The following REG3A variants were observed in gnomAD, a reference collection of about 807,000 sequenced individuals.
REG3A encodes regenerating family member 3 alpha, also known as regenerating islet-derived protein 3-alpha.
In REG3A, 15 loss-of-function variants were observed where a neutral mutation model predicts 20.5. The observed-to-expected ratio is 0.73, with a 90% CI of 0.49 to 1.12. REG3A has a LOEUF of 1.12. Ranked by LOEUF, REG3A falls within the 50% of genes most tolerant of loss-of-function variation. The pLI, the probability that REG3A is intolerant of heterozygous loss-of-function variation, is 0.00. For missense variants in REG3A, 224 were observed against 213.1 expected (o/e 1.05, Z -0.32); for synonymous variants, 93 against 83.2 (o/e 1.12, Z -0.64).
chr2:79,157,808 C>T lies in REG3A; in HGVS notation c.334-110G>A, dbSNP rs1673349716. ...GCTCCCCAGCATGAGGAAAGTTGGTCTGCTATTCCAGATGCTGCCGGTGAG... is the reference window on the plus strand; with the variant it reads ...GCTCCCCAGCATGAGGAAAGTTGGTTTGCTATTCCAGATGCTGCCGGTGAG... On this transcript the variant is annotated intron_variant, in intron 4 of 5. Coordinates refer to ENST00000305165, the MANE Select transcript of REG3A (RefSeq NM_002580.3). The T allele has an allele frequency of 3.5e-6, 5 of 1,412,560 alleles. No homozygotes were observed. In the South Asian group the frequency reaches 6.9e-5, roughly 20 times the overall value. 87.5% of individuals were successfully genotyped at this position (1,412,560 alleles called of 1,614,324 possible).
chr2:79,158,920 C>G, intron 2 of REG3A, 151 bp from the exon 3 acceptor site: 1 of 640,520 alleles, frequency 1.6e-6, no homozygotes, highest in East Asian at 2.7e-5. Flanking sequence ...AATTCTTTAT[C>G]TCAAAATAGC....
At chr2:79,157,503 G>A (rs1673340664) in intron 5 of REG3A, 69 bp downstream of exon 5, 3 of 1,585,948 alleles carry the variant, frequency 1.9e-6, no homozygotes, top group South Asian at 1.2e-5. Context: ...AAGATTTCCT[G>A]AAGGTCAGAC....
In REG3A at chr2:79,157,136, G is replaced by T; in HGVS notation, c.*90C>A. On this transcript the variant is annotated 3_prime_UTR_variant, in exon 6 of 6. Coordinates refer to ENST00000305165, the MANE Select transcript of REG3A (RefSeq NM_002580.3). Reference sequence around the variant, plus strand: ...GGTGGTCAGGTTGGGGGAATTAAGCGAATATTCTCTTCCAGGGTGAGTCCT... The same window carrying T: ...GGTGGTCAGGTTGGGGGAATTAAGCTAATATTCTCTTCCAGGGTGAGTCCT... 1.0e-6 allele frequency: 1 copy of T among 999,854 alleles called. No individual in the cohort carries two copies. The highest frequency in any genetic ancestry group is 1.6e-6 in the Non-Finnish European group (1 of 626,674). The allele number at this position is 999,854 out of a possible 1,614,324, so 61.9% of individuals were successfully genotyped here.
intron 1 of REG3A, 66 bp from the exon 2 acceptor site, chr2:79,159,505 C>G (rs754088905): frequency 1.8e-5 from 21 of 1,137,750 alleles, no homozygotes; most frequent in Non-Finnish European, 2.7e-5. Context: ...TTTTCCTTCT[C>G]TAGTCCCCTA....
At chr2:79,158,567 T>A in intron 3 of REG3A, 84 bp downstream of exon 3, 1 of 1,605,504 alleles carries the variant, frequency 6.2e-7, no homozygotes, top group Non-Finnish European at 8.5e-7. Flanking sequence ...AACGTGTTCA[T>A]CCTCATTCCC....
At position 79,157,066 on chromosome 2, in the gene REG3A, T is replaced by C. The variant is rs1673330804; in HGVS notation, c.*160A>G. ...AGGCCGTATGACAAAATGAAGAGACTGAAATGACAGCGGGGAGGAAGAAAC... is the reference window on the plus strand; with the variant it reads ...AGGCCGTATGACAAAATGAAGAGACCGAAATGACAGCGGGGAGGAAGAAAC... On this transcript the variant is annotated 3_prime_UTR_variant, in exon 6 of 6. Coordinates refer to ENST00000305165, the MANE Select transcript of REG3A (RefSeq NM_002580.3). The C allele has an allele frequency of 9.3e-6, 6 of 645,946 alleles. No individual in the cohort carries two copies. Among genetic ancestry groups the C allele is most frequent in the Non-Finnish European group, 1.4e-5 (5 of 366,094 alleles). The allele number at this position is 645,946 out of a possible 1,614,324, so 40.0% of individuals were successfully genotyped here.
chr2:79,157,693 G>C lies in REG3A; in HGVS notation c.339C>G (p.Thr113=), dbSNP rs143057391. Residue 113 remains threonine (T), a synonymous_variant, in exon 5 of 6, where the codon ACC becomes ACG. Transcript: ENST00000305165. The stretch of plus-strand genomic sequence containing the variant: ...ACTCCCAACCTTCTCCATTGGGCTC[G>C]GTGCCCTGTAGAGTAGAGGAGGTAG... ...WIGLHDPTQG[T]EPNGEGWEWS... 6.2e-7 allele frequency: 1 copy of C among 1,613,792 alleles called. No homozygotes were observed. Among genetic ancestry groups the C allele is most frequent in the Non-Finnish European group, 8.5e-7 (1 of 1,179,830 alleles).
chr2:79,157,793 A>C, intron 4 of REG3A, 95 bp from the exon 5 acceptor site: 2 of 1,503,970 alleles, frequency 1.3e-6, no homozygotes, highest in Non-Finnish European at 1.8e-6. Flanking sequence ...GCTCCCCAGC[A>C]TGAGGAAAGT....
At chr2:79,159,167 T>A (rs1673388850) in intron 2 of REG3A, 163 bp downstream of exon 2, 1 of 699,724 alleles carries the variant, frequency 1.4e-6, no homozygotes, top group Non-Finnish European at 2.5e-6. Context: ...CCATGGAGCC[T>A]CCCACTGCAA....
At chr2:79,159,177 A>C in intron 2 of REG3A, 153 bp downstream of exon 2, 1 of 762,188 alleles carries the variant, frequency 1.3e-6, no homozygotes, top group Non-Finnish European at 2.2e-6. Context: ...TCCCACTGCA[A>C]GTTAACCTGA....
At position 79,159,373 on chromosome 2, in the gene REG3A, AG is replaced by A; in HGVS notation, c.32del (p.Ser11PhefsTer82). 1.9e-6 allele frequency: 3 copies of A among 1,613,922 alleles called. No homozygotes were observed. The highest frequency in any genetic ancestry group is 2.5e-6 in the Non-Finnish European group (3 of 1,179,958). The stretch of plus-strand genomic sequence containing the variant: ...GCATGAGGCAGGAAAGCAGCATCCA[AG>A]ATACACTGGGCAGGGCCATGGGAGG... Reference protein sequence around the residue: MLPPMALPSVSWMLLSCLMLL... With the variant: MLPPMALPSVXWMLLSCLMLL... On this transcript the variant is annotated frameshift_variant, in exon 2 of 6. Transcript: ENST00000305165. LOFTEE classifies it high-confidence loss of function.
intron 2 of REG3A, 147 bp downstream of exon 2, chr2:79,159,183 C>G: frequency 2.5e-6 from 2 of 802,872 alleles, no homozygotes; most frequent in South Asian, 3.3e-5. Flanking sequence ...TGCAAGTTAA[C>G]CTGAAGGAAG....
chr2:79,158,667 G>A lies in REG3A; in HGVS notation c.179C>T (p.Ser60Phe), dbSNP rs779093650. The change falls in exon 3 of 6, where the codon TCC becomes TTC. Residue 60 changes from serine (S) to phenylalanine (F), a missense_variant. By Grantham distance (155) the Ser-to-Phe change is radical (BLOSUM62 -2). Coordinates refer to ENST00000305165, the MANE Select transcript of REG3A (RefSeq NM_002580.3). ...HCYALFLSPK[S>F]WTDADLACQK... ...ACCACTCACATCTGCATCTGTCCAG[G>A]ATTTTGGTGACAAAAACAAGGCATA... 1 of 1,614,158 alleles carries A rather than the reference G, an allele frequency of 6.2e-7. No homozygotes were observed. The highest frequency in any genetic ancestry group is 1.7e-5 in the Admixed American group (1 of 60,026).
chr2:79,157,123 G>C lies in REG3A; in HGVS notation c.*103C>G. 1 of 865,756 alleles carries C rather than the reference G, an allele frequency of 1.2e-6. No homozygotes were observed. Among genetic ancestry groups the C allele is most frequent in the Non-Finnish European group, 2.0e-6 (1 of 511,050 alleles). 53.6% of individuals were successfully genotyped at this position (865,756 alleles called of 1,614,324 possible). The stretch of plus-strand genomic sequence containing the variant: ...AAGATAAGAATGAGGTGGTCAGGTT[G>C]GGGGAATTAAGCGAATATTCTCTTC... On this transcript the variant is annotated 3_prime_UTR_variant, in exon 6 of 6. Transcript: ENST00000305165.
At position 79,158,728 on chromosome 2, in the gene REG3A, A is replaced by C; in HGVS notation, c.118T>G (p.Cys40Gly). ...QRELPSARIR[C>G]PKGSKAYGSH... is the part of the protein sequence containing the mutation. ...CCATAGGCCTTGGAGCCTTTGGGAC[A>C]GCGGATCCGTGCAGAGGGCAGTTCC... The change falls in exon 3 of 6, where the codon TGT becomes GGT. Residue 40 changes from cysteine to glycine, a missense_variant. Physicochemically the swap from Cys to Gly is radical, Grantham distance 159. Coordinates refer to ENST00000305165, the MANE Select transcript of REG3A (RefSeq NM_002580.3). The C allele has an allele frequency of 1.9e-6, 3 of 1,613,720 alleles. No homozygotes were observed. The highest frequency in any genetic ancestry group is 2.5e-6 in the Non-Finnish European group (3 of 1,179,852).
At chr2:79,157,326 CT>C in intron 5 of REG3A, 33 bp from the exon 6 acceptor site, 1 of 1,599,486 alleles carries the variant, frequency 6.3e-7, no homozygotes, top group Non-Finnish European at 8.6e-7. Flanking sequence ...TGGAATGGGG[CT>C]GAGGAAGCTT....
Position 79,157,064 on chromosome 2 carries a change from A to C in REG3A, c.*162T>G. On this transcript the variant is annotated 3_prime_UTR_variant, in exon 6 of 6. Transcript: ENST00000305165. The stretch of plus-strand genomic sequence containing the variant: ...TTAGGCCGTATGACAAAATGAAGAG[A>C]CTGAAATGACAGCGGGGAGGAAGAA... 1 of 641,040 alleles carries C rather than the reference A, an allele frequency of 1.6e-6. No individual in the cohort carries two copies. Among genetic ancestry groups the C allele is most frequent in the Non-Finnish European group, 2.8e-6 (1 of 362,570 alleles). The allele number at this position is 641,040 out of a possible 1,614,324, so 39.7% of individuals were successfully genotyped here.
In REG3A at chr2:79,159,312, G is replaced by A; in HGVS notation, c.76+18C>T. On this transcript the variant is annotated intron_variant, in intron 2 of 5. Coordinates refer to ENST00000305165, the MANE Select transcript of REG3A (RefSeq NM_002580.3). ...AGGATTCATAGGGAACCCAGTGCTA[G>A]AGGCAAAGCAATCTCACCTTGAACC... The A allele has an allele frequency of 1.2e-6, 2 of 1,613,684 alleles. No homozygotes were observed. The highest frequency in any genetic ancestry group is 2.7e-5 in the African/African-American group (2 of 74,982).
At chr2:79,158,581 G>A in intron 3 of REG3A, 70 bp downstream of exon 3, 1 of 1,606,292 alleles carries the variant, frequency 6.2e-7, no homozygotes, top group Non-Finnish European at 8.5e-7. Flanking sequence ...CATTCCCAAG[G>A]AACTCTCCTG....
Sources: allele counts gnomAD v4.1 joint callset, GRCh38; gene constraint gnomAD v4.1.1; transcripts MANE v1.5; gene names NCBI Gene and HGNC (gene_info 2026-07-23, HGNC 2026-07-21).